The following RAB3C variants were observed in gnomAD, a reference collection of about 807,000 sequenced individuals.
The protein encoded by RAB3C is ras-related protein Rab-3C.
In RAB3C, 17 loss-of-function variants were observed where a neutral mutation model predicts 26.4. The ratio of observed to expected loss-of-function variants is 0.64; its 90% CI spans 0.44 to 0.97. RAB3C has a LOEUF of 0.97. Among genes scored for constraint, RAB3C ranks in the 50% least tolerant of loss-of-function variants. RAB3C has a pLI of 0.00. For missense variants in RAB3C, 242 were observed against 281.9 expected (o/e 0.86, Z 1.01); for synonymous variants, 91 against 95.9 (o/e 0.95, Z 0.30).
At chr5:58,800,317 G>C (rs771140147) in intron 3 of RAB3C, among the ~76,000 whole-genome samples, 28 of 152,200 alleles carry the variant, frequency 1.8e-4, no homozygotes, top group Admixed American at 3.3e-4. Context: ...GCTGACAACA[G>C]CCAGATCTTT....
chr5:58,820,265 C>A (rs892015351), intron 3 of RAB3C, among the ~76,000 whole-genome samples: 2 of 151,182 alleles, frequency 1.3e-5, no homozygotes, highest in African/African-American at 2.4e-5. Context: ...TTCAAAGCAA[C>A]AAGAAGCTGA....
intron 2 of RAB3C, among the ~76,000 whole-genome samples, chr5:58,717,055 G>A (rs1338683869): frequency 6.6e-6 from 1 of 152,096 alleles, no homozygotes; most frequent in Non-Finnish European, 1.5e-5. Context: ...GGCTATGCAT[G>A]TGTGGGGCTA....
At chr5:58,820,366 A>G (rs766145522) in intron 3 of RAB3C, among the ~76,000 whole-genome samples, 3 of 152,176 alleles carry the variant, frequency 2.0e-5, no homozygotes, top group African/African-American at 4.8e-5. Flanking sequence ...ATAGGTGGTA[A>G]TTCACAAATC....
At chr5:58,617,604 C>T (rs1421989740) in intron 1 of RAB3C, 39 bp from the exon 2 acceptor site, 1 of 1,430,948 alleles carries the variant, frequency 7.0e-7, no homozygotes, top group Non-Finnish European at 9.9e-7. Flanking sequence ...GTCTGATCTA[C>T]ACCTATTTTG....
chr5:58,744,147 A>T (rs893957770), intron 3 of RAB3C, among the ~76,000 whole-genome samples: 5 of 152,334 alleles, frequency 3.3e-5, no homozygotes. Flanking sequence ...TACAAGGACA[A>T]GATCTGCAGT....
intron 4 of RAB3C, among the ~76,000 whole-genome samples, chr5:58,833,132 T>G (rs1743654079): frequency 6.6e-6 from 1 of 152,030 alleles, no homozygotes. Flanking sequence ...AAACTAAGAA[T>G]TATAAAACAA....
At chr5:58,735,779 C>G (rs968863889) in intron 3 of RAB3C, among the ~76,000 whole-genome samples, 1 of 152,188 alleles carries the variant, frequency 6.6e-6, no homozygotes, top group Admixed American at 6.5e-5. Context: ...AGGCTCCACA[C>G]CTCTTGCACC....
At chr5:58,802,936 A>G (rs1742842451) in intron 3 of RAB3C, among the ~76,000 whole-genome samples, 1 of 152,214 alleles carries the variant, frequency 6.6e-6, no homozygotes, top group Non-Finnish European at 1.5e-5. Context: ...CATCATCTGC[A>G]TGGCGAAAGC....
intron 2 of RAB3C, among the ~76,000 whole-genome samples, chr5:58,723,260 G>T (rs1039494861): frequency 4.6e-5 from 7 of 151,522 alleles, no homozygotes; most frequent in African/African-American, 1.7e-4. Context: ...TTCCTCACCT[G>T]TTCTACATTA....
intron 2 of RAB3C, among the ~76,000 whole-genome samples, chr5:58,712,352 G>A: frequency 6.6e-6 from 1 of 151,890 alleles, no homozygotes; most frequent in African/African-American, 2.4e-5. Flanking sequence ...ATGTTTGGTT[G>A]GTTTTCATTA....
chr5:58,752,100 T>C (rs1741544153), intron 3 of RAB3C, among the ~76,000 whole-genome samples: 1 of 152,182 alleles, frequency 6.6e-6, no homozygotes, highest in Admixed American at 6.5e-5. Context: ...CTATGGCACA[T>C]AAGCTAAATT....
chr5:58,697,910 G>T (rs1026420405), intron 2 of RAB3C, among the ~76,000 whole-genome samples: 1 of 152,102 alleles, frequency 6.6e-6, no homozygotes, highest in Non-Finnish European at 1.5e-5. Flanking sequence ...GGGGCATTTA[G>T]CCCATTTACA....
At chr5:58,600,342 G>A (rs1342324145) in intron 1 of RAB3C, among the ~76,000 whole-genome samples, 2 of 151,934 alleles carry the variant, frequency 1.3e-5, no homozygotes, top group East Asian at 3.9e-4. Flanking sequence ...GGTTTCATAT[G>A]AATTTTAGAA....
rs936992721 is a variant in RAB3C, at chr5:58,699,680, C to G, written c.253-26322C>G. Among the ~76,000 whole-genome samples the G allele has an allele frequency of 2.0e-5, 3 of 152,298 alleles. No individual in the cohort carries two copies. In the East Asian group the frequency reaches 5.8e-4, roughly 29 times the overall value. ...CTCAAGCCTCAGCTATGGCAGACAC[C>G]CCTCCCCCAACCAGGCTGCTGCCTT... On this transcript the variant is annotated intron_variant, in intron 2 of 4. Transcript: ENST00000282878.
intron 1 of RAB3C, among the ~76,000 whole-genome samples, chr5:58,583,506 CA>C (rs1272538892): frequency 6.6e-6 from 1 of 152,078 alleles, no homozygotes; most frequent in African/African-American, 2.4e-5. Context: ...CCCAAGCAAA[CA>C]AAAGTCAGAG....
At chr5:58,655,103 C>T (rs1049732038) in intron 2 of RAB3C, among the ~76,000 whole-genome samples, 1 of 152,200 alleles carries the variant, frequency 6.6e-6, no homozygotes, top group African/African-American at 2.4e-5. Flanking sequence ...GCTAAATACA[C>T]AGCTTTGCTC....
intron 2 of RAB3C, among the ~76,000 whole-genome samples, chr5:58,636,190 C>T (rs2111758351): frequency 6.6e-6 from 1 of 152,316 alleles, no homozygotes; most frequent in East Asian, 1.9e-4. Flanking sequence ...TGTTCACCTG[C>T]TCAGTTTCAA....
chr5:58,677,976 TTG>T (rs70973149), intron 2 of RAB3C, among the ~76,000 whole-genome samples: 10,269 of 147,830 alleles, frequency 0.069, 410 homozygotes, highest in Middle Eastern at 0.13. Context: ...CTAGATTATT[TTG>T]TGTGTGTGTG....
intron 3 of RAB3C, among the ~76,000 whole-genome samples, chr5:58,779,763 C>A (rs758133405): frequency 6.6e-6 from 1 of 152,048 alleles, no homozygotes; most frequent in Non-Finnish European, 1.5e-5. Flanking sequence ...GTGTACTGGG[C>A]TATCCAGCTT....
Sources: allele counts gnomAD v4.1 joint callset (sites outside exome capture counted in the v4.1 genomes callset), GRCh38; gene constraint gnomAD v4.1.1; transcripts MANE v1.5; gene names NCBI Gene and HGNC (gene_info 2026-07-23, HGNC 2026-07-21).